ABCB7: variants seen among roughly 807,000 people sequenced by gnomAD.
The protein encoded by ABCB7 is ATP binding cassette subfamily B member 7, also known as iron-sulfur clusters transporter ABCB7, mitochondrial.
Under a neutral mutation model 54.4 loss-of-function variants are expected in ABCB7, and 7 were observed. That is an observed-to-expected ratio of 0.13 (90% confidence interval 0.07 to 0.24). The LOEUF (loss-of-function observed/expected upper bound fraction) is 0.24, where lower values mean the gene tolerates loss of function less well. ABCB7 is among the 10% of genes least tolerant of loss of function. The pLI, the probability that ABCB7 is intolerant of heterozygous loss-of-function variation, is 1.00. For missense variants in ABCB7, 356 were observed against 570.4 expected (o/e 0.62, Z 3.83); for synonymous variants, 218 against 207.1 (o/e 1.05, Z -0.45).
At chrX:75,059,517 T>C (rs770547054) in intron 15 of ABCB7, among the ~76,000 whole-genome samples, 1 of 110,224 alleles carries the variant, frequency 9.1e-6, no homozygotes, top group African/African-American at 3.3e-5. Context: ...ATATATTTAT[T>C]AGAAGGGAAA....
chrX:75,107,058 G>A (rs1432268531), intron 3 of ABCB7, among the ~76,000 whole-genome samples: 3 of 110,912 alleles, frequency 2.7e-5, no homozygotes, highest in African/African-American at 9.9e-5. Context: ...CTGGGTGCTG[G>A]AAGCGGGAGA....
At chrX:75,144,672 T>A (rs1270126825) in intron 1 of ABCB7, among the ~76,000 whole-genome samples, 1 of 110,022 alleles carries the variant, frequency 9.1e-6, no homozygotes, top group African/African-American at 3.3e-5. Context: ...GGGTTTGTAC[T>A]GTTTTTGTAA....
intron 4 of ABCB7, among the ~76,000 whole-genome samples, chrX:75,098,323 GA>G (rs1202692422): frequency 5.8e-5 from 6 of 103,801 alleles, no homozygotes; most frequent in African/African-American, 2.1e-4. Flanking sequence ...AAAAAAAAAA[GA>G]AAAAAAAATC....
At chrX:75,121,288 C>CAA (rs34049274) in intron 1 of ABCB7, among the ~76,000 whole-genome samples, 2 of 39,030 alleles carry the variant, frequency 5.1e-5, no homozygotes, top group Non-Finnish European at 5.2e-5. Context: ...GACTCTGTCT[C>CAA]AAAAAAAAAA....
intron 15 of ABCB7, among the ~76,000 whole-genome samples, chrX:75,054,597 T>TA (rs2081221475): frequency 9.0e-6 from 1 of 110,716 alleles, no homozygotes; most frequent in Admixed American, 9.6e-5. Flanking sequence ...TTCATTTGCT[T>TA]AGTTTTCTGT....
At chrX:75,075,919 A>C (rs1043822046) in intron 5 of ABCB7, among the ~76,000 whole-genome samples, 1 of 111,681 alleles carries the variant, frequency 9.0e-6, no homozygotes, top group Non-Finnish European at 1.9e-5. Flanking sequence ...ACTGTGGATA[A>C]ATGTGCAGTG....
At chrX:75,079,854 A>G (rs1386772521) in intron 4 of ABCB7, among the ~76,000 whole-genome samples, 2 of 111,661 alleles carry the variant, frequency 1.8e-5, no homozygotes, top group South Asian at 3.8e-4. Flanking sequence ...ACCACTTTGT[A>G]TTCACCCCCG....
At chrX:75,093,423 G>A (rs1485783153) in intron 4 of ABCB7, among the ~76,000 whole-genome samples, 1 of 111,197 alleles carries the variant, frequency 9.0e-6, no homozygotes, top group Non-Finnish European at 1.9e-5. Flanking sequence ...GAGGAAGGAA[G>A]GACAGATGAG....
At chrX:75,071,945 A>G (rs1202854302) in intron 8 of ABCB7, among the ~76,000 whole-genome samples, 2 of 111,334 alleles carry the variant, frequency 1.8e-5, no homozygotes, top group African/African-American at 3.3e-5. Flanking sequence ...CAAAATCTTC[A>G]ATGACACTTC....
chrX:75,102,475 C>T (rs1390414610), intron 3 of ABCB7, among the ~76,000 whole-genome samples: 1 of 111,681 alleles, frequency 9.0e-6, no homozygotes, highest in Non-Finnish European at 1.9e-5. Context: ...ACCTCCAGTT[C>T]CATCCATGTC....
At chrX:75,131,789 T>C (rs1057237235) in intron 1 of ABCB7, among the ~76,000 whole-genome samples, 2 of 111,570 alleles carry the variant, frequency 1.8e-5, no homozygotes, top group Non-Finnish European at 3.8e-5. Context: ...GGTAGGGCCC[T>C]CTGACCTGGG....
chrX:75,061,651 G>A (rs776352193), intron 14 of ABCB7, among the ~76,000 whole-genome samples: 140 of 111,870 alleles, frequency 1.3e-3, no homozygotes, highest in African/African-American at 4.4e-3. Flanking sequence ...GTTGAATGAA[G>A]GCAATTGACA....
At chrX:75,090,145 C>T (rs1168889225) in intron 4 of ABCB7, among the ~76,000 whole-genome samples, 1 of 109,405 alleles carries the variant, frequency 9.1e-6, no homozygotes, top group African/African-American at 3.3e-5. Context: ...TAGATGCATC[C>T]TCTATTATAT....
intron 1 of ABCB7, among the ~76,000 whole-genome samples, chrX:75,141,380 G>A (rs1022465444): frequency 9.1e-6 from 1 of 110,362 alleles, no homozygotes; most frequent in African/African-American, 3.3e-5. Context: ...TTTATATTTG[G>A]GTGTGCTTCT....
chrX:75,123,849 CACA>C (rs1203539123), intron 1 of ABCB7, among the ~76,000 whole-genome samples: 1 of 111,479 alleles, frequency 9.0e-6, no homozygotes, highest in African/African-American at 3.3e-5. Context: ...TCGTTTCTGT[CACA>C]ACAATTCAAC....
chrX:75,136,452 C>T (rs1569245997), intron 1 of ABCB7, among the ~76,000 whole-genome samples: 1 of 111,270 alleles, frequency 9.0e-6, no homozygotes, highest in Non-Finnish European at 1.9e-5. Flanking sequence ...TATTCCTATT[C>T]AAACTACCAA....
At chrX:75,078,637 T>C (rs1209407025) in intron 4 of ABCB7, among the ~76,000 whole-genome samples, 2 of 111,851 alleles carry the variant, frequency 1.8e-5, no homozygotes, top group Non-Finnish European at 3.8e-5. Context: ...TTTTACAAAA[T>C]AGATTTTATC....
At chrX:75,132,956 C>A (rs766290698) in intron 1 of ABCB7, among the ~76,000 whole-genome samples, 1 of 111,804 alleles carries the variant, frequency 8.9e-6, no homozygotes, top group Non-Finnish European at 1.9e-5. Flanking sequence ...ACCACACTAG[C>A]TCCCTAGCAA....
At chrX:75,134,732 T>C (rs1293648403) in intron 1 of ABCB7, among the ~76,000 whole-genome samples, 2 of 112,060 alleles carry the variant, frequency 1.8e-5, no homozygotes, top group African/African-American at 3.2e-5. Context: ...GACTTCTTGG[T>C]AAATAATGAA....
Sources: gnomAD v4.1 joint callset for allele counts (sites outside exome capture counted in the v4.1 genomes callset) on GRCh38, gnomAD v4.1.1 for gene constraint, MANE v1.5 for transcripts, NCBI Gene and HGNC (gene_info 2026-07-23, HGNC 2026-07-21) for gene names.